The following LHX4 variants were observed in gnomAD, a reference collection of about 807,000 sequenced individuals.
The protein encoded by LHX4 is LIM homeobox 4, also known as LIM/homeobox protein Lhx4.
LHX4 carries 16 observed loss-of-function variants against 39.2 expected under a neutral mutation model. The ratio of observed to expected loss-of-function variants is 0.41; its 90% CI spans 0.28 to 0.62. LHX4 has a LOEUF of 0.62. LHX4 is among the 20% of genes least tolerant of loss of function. The pLI is 0.33. For synonymous variants in LHX4, 206 were observed against 198.1 expected (o/e 1.04, Z -0.33); for missense variants, 439 against 511.9 (o/e 0.86, Z 1.37).
rs1410810792 is a variant in LHX4 at position 180,276,334 on chromosome 1, A to G, written c.*1755A>G. 2.5e-4 allele frequency: 6 copies of G among 24,336 alleles called. No individual in the cohort carries two copies. Among genetic ancestry groups the G allele is most frequent in the Admixed American group, 1.4e-3 (3 of 2,086 alleles). 1.5% of individuals were successfully genotyped at this position (24,336 alleles called of 1,614,324 possible). On this transcript the variant is annotated 3_prime_UTR_variant, in exon 6 of 6. Coordinates refer to ENST00000263726, the MANE Select transcript of LHX4 (RefSeq NM_033343.4). ...TTTGTAAGCCCTTTTCCAGGACTAA[A>G]CTAAGTTCAATTAAGTAAGTTCTTT... is the stretch of plus-strand genomic sequence containing the variant.
At chr1:180,236,697 G>A (rs1288401355) in intron 1 of LHX4, among the ~76,000 whole-genome samples, 3 of 152,008 alleles carry the variant, frequency 2.0e-5, no homozygotes, top group Non-Finnish European at 4.4e-5. Context: ...AGGTGGAATC[G>A]GATAAAGGGA....
chr1:180,230,083 G>A (rs1193766760), upstream of LHX4, among the ~76,000 whole-genome samples: 1 of 151,384 alleles, frequency 6.6e-6, no homozygotes, highest in East Asian at 2.0e-4. This position sits in a 1 kb window ranked among gnomAD's most constrained non-coding sequence, Gnocchi z 5.8. Context: ...TCGGCTGCCC[G>A]CCGCCGGGTT....
At chr1:180,255,548 A>G (rs903032142) in intron 2 of LHX4, among the ~76,000 whole-genome samples, 2 of 152,232 alleles carry the variant, frequency 1.3e-5, no homozygotes, top group Non-Finnish European at 2.9e-5. Context: ...TAAGGTAACG[A>G]TCAGATGGTC....
intron 2 of LHX4, among the ~76,000 whole-genome samples, chr1:180,261,284 G>A (rs72712991): frequency 0.024 from 3,601 of 151,796 alleles, 144 homozygotes; most frequent in African/African-American, 0.055. Context: ...CGGGGAGTGG[G>A]CGGTAGAGAA....
At chr1:180,251,157 A>G (rs552204262) in intron 2 of LHX4, among the ~76,000 whole-genome samples, 2 of 152,350 alleles carry the variant, frequency 1.3e-5, no homozygotes, top group Non-Finnish European at 2.9e-5. Flanking sequence ...CCTTCCCTGA[A>G]TATGCCACAG....
rs1295284407 is a variant in LHX4 at position 180,230,385 on chromosome 1, C to A, written c.-145C>A. ...GGGGCCGGCCAGCCTGTGGAGTCCTCCCTGAGAAGCGGAGGGCCCGGCTTC... is the reference window on the plus strand; with the variant it reads ...GGGGCCGGCCAGCCTGTGGAGTCCTACCTGAGAAGCGGAGGGCCCGGCTTC... On this transcript the variant is annotated 5_prime_UTR_variant, in exon 1 of 6. Coordinates refer to ENST00000263726, the MANE Select transcript of LHX4 (RefSeq NM_033343.4). This position sits in a 1 kb window ranked among gnomAD's most constrained non-coding sequence, Gnocchi z 5.8. The A allele has an allele frequency of 2.8e-6, 2 of 715,192 alleles. No homozygotes were observed. Among genetic ancestry groups the A allele is most frequent in the Non-Finnish European group, 4.9e-6 (2 of 404,866 alleles). 44.3% of individuals were successfully genotyped at this position (715,192 alleles called of 1,614,324 possible).
chr1:180,248,658 C>G, intron 2 of LHX4: 1 of 654,772 alleles, frequency 1.5e-6, no homozygotes. Flanking sequence ...GGTTCAGCCT[C>G]TAGACCTCAT....
intron 2 of LHX4, among the ~76,000 whole-genome samples, chr1:180,251,236 T>G (rs1466118419): frequency 6.6e-6 from 1 of 152,204 alleles, no homozygotes; most frequent in African/African-American, 2.4e-5. Context: ...GCCCGCTGCT[T>G]TCCTCAGGTA....
chr1:180,247,596 T>G (rs1647440489), intron 1 of LHX4, among the ~76,000 whole-genome samples: 1 of 152,198 alleles, frequency 6.6e-6, no homozygotes, highest in African/African-American at 2.4e-5. Flanking sequence ...GACTCAATCA[T>G]CTTCAAAATG....
intron 5 of LHX4, among the ~76,000 whole-genome samples, chr1:180,272,296 C>T (rs1322496780): frequency 6.6e-6 from 1 of 152,186 alleles, no homozygotes; most frequent in Non-Finnish European, 1.5e-5. Context: ...CCCTCATCAG[C>T]CCACACAGCT....
At chr1:180,254,148 C>T (rs531449921) in intron 2 of LHX4, among the ~76,000 whole-genome samples, 37 of 152,294 alleles carry the variant, frequency 2.4e-4, no homozygotes, top group East Asian at 1.5e-3. Flanking sequence ...TCCATCTGCC[C>T]GTCAGGGGGC....
upstream of LHX4, among the ~76,000 whole-genome samples, chr1:180,229,594 G>C (rs1258808691): frequency 1.3e-5 from 2 of 152,142 alleles, no homozygotes; most frequent in Non-Finnish European, 1.5e-5. Flanking sequence ...GGAAGTGCCG[G>C]CAGGAAAGGA....
intron 1 of LHX4, among the ~76,000 whole-genome samples, chr1:180,231,143 C>T (rs1179654152): frequency 6.6e-6 from 1 of 151,162 alleles, no homozygotes; most frequent in East Asian, 2.0e-4. Context: ...CCGCTACTGC[C>T]CGCGGCGCCC....
chr1:180,271,601 G>A (rs1270793107), intron 4 of LHX4, 67 bp downstream of exon 4: 1 of 1,585,208 alleles, frequency 6.3e-7, no homozygotes, highest in Non-Finnish European at 8.7e-7. Flanking sequence ...AAGGTATCCT[G>A]AGTGACATCA....
chr1:180,255,582 C>T (rs2149259197), intron 2 of LHX4, among the ~76,000 whole-genome samples: 1 of 152,334 alleles, frequency 6.6e-6, no homozygotes, highest in South Asian at 2.1e-4. Context: ...TGCGTGTGGA[C>T]ATTTGAAAGA....
chr1:180,248,147 A>G (rs1347565626), intron 1 of LHX4, 138 bp from the exon 2 acceptor site: 2 of 791,364 alleles, frequency 2.5e-6, no homozygotes, highest in African/African-American at 3.4e-5. Flanking sequence ...AACCTGTACA[A>G]CTATATGCAA....
chr1:180,228,596 C>T (rs1408677218), upstream of LHX4, among the ~76,000 whole-genome samples: 1 of 152,208 alleles, frequency 6.6e-6, no homozygotes, highest in Non-Finnish European at 1.5e-5. Context: ...AAAAATGTCA[C>T]TGGGTTCTTT....
At chr1:180,233,137 C>T (rs547107558) in intron 1 of LHX4, among the ~76,000 whole-genome samples, 16 of 152,334 alleles carry the variant, frequency 1.1e-4, no homozygotes, top group Non-Finnish European at 2.4e-4. Flanking sequence ...CTGGACTATT[C>T]CTTTGCTTAT....
At chr1:180,262,424 C>T (rs1648146300) in intron 2 of LHX4, among the ~76,000 whole-genome samples, 2 of 152,058 alleles carry the variant, frequency 1.3e-5, no homozygotes, top group South Asian at 4.1e-4. Flanking sequence ...GGCTTCTGTC[C>T]AAGTGCCTGA....
Sources: gnomAD v4.1 joint callset for allele counts (sites outside exome capture counted in the v4.1 genomes callset) on GRCh38, gnomAD v4.1.1 for gene constraint, Gnocchi (gnomAD v3.1) non-coding constraint, MANE v1.5 for transcripts, NCBI Gene and HGNC (gene_info 2026-07-23, HGNC 2026-07-21) for gene names.